HDGFL3: variants seen among roughly 807,000 people sequenced by gnomAD.
The protein encoded by HDGFL3 is HDGF like 3.
Under a neutral mutation model 27.6 loss-of-function variants are expected in HDGFL3, and 6 were observed. The observed-to-expected ratio is 0.22, with a 90% CI of 0.12 to 0.43. The LOEUF is 0.43. Among genes scored for constraint, HDGFL3 ranks in the 20% least tolerant of loss-of-function variants. The probability of loss-of-function intolerance (pLI) is 1.00; values close to 1 mark genes in which losing one functional copy is unlikely to be tolerated. For missense variants in HDGFL3, 207 were observed against 250.1 expected, an observed-to-expected ratio of 0.83 and a Z score of 1.16; for synonymous variants, 88 against 88.9, an observed-to-expected ratio of 0.99 and a Z score of 0.05.
downstream of HDGFL3, chr15:83,124,783 A>C (rs779066184): frequency 6.3e-7 from 1 of 1,592,222 alleles, no homozygotes; most frequent in Non-Finnish European, 8.6e-7. Flanking sequence ...TTTGGTAAGC[A>C]TAACAGATCA....
At position 83,167,267 on chromosome 15, in the gene HDGFL3, C is replaced by T. The variant is rs1003274732; in HGVS notation, c.85-3192G>A. Among the ~76,000 whole-genome samples, 4 of 152,124 alleles carry T rather than the reference C, an allele frequency of 2.6e-5. No individual in the cohort carries two copies. The South Asian group carries it at 8.3e-4, about 32-fold the overall frequency. On this transcript the variant is annotated intron_variant, in intron 1 of 5. Transcript: ENST00000299633. ...TACGTCAACAACAGTAAAAAAAGGACAAAGAAGGCTGAGCGTGGTGGCTCA... is the reference window on the plus strand; with the variant it reads ...TACGTCAACAACAGTAAAAAAAGGATAAAGAAGGCTGAGCGTGGTGGCTCA...
chr15:83,164,721 C>G (rs2037147949), intron 1 of HDGFL3, among the ~76,000 whole-genome samples: 3 of 152,196 alleles, frequency 2.0e-5, no homozygotes, highest in Admixed American at 1.3e-4. Context: ...CTTCCTTCCT[C>G]AGATCTACCA....
intron 1 of HDGFL3, among the ~76,000 whole-genome samples, chr15:83,201,677 G>A (rs1467811624): frequency 2.6e-5 from 4 of 152,084 alleles, no homozygotes; most frequent in Admixed American, 2.0e-4. Context: ...ACTGACTTCC[G>A]AGAATTAATA....
chr15:83,180,201 T>A (rs2037363426), intron 1 of HDGFL3, among the ~76,000 whole-genome samples: 2 of 152,034 alleles, frequency 1.3e-5, no homozygotes, highest in South Asian at 4.1e-4. Context: ...GAATCCATAA[T>A]CCCTGCTGTG....
intron 4 of HDGFL3, among the ~76,000 whole-genome samples, chr15:83,155,012 T>C (rs979775241): frequency 2.0e-5 from 3 of 152,018 alleles, no homozygotes; most frequent in African/African-American, 7.2e-5. Context: ...GGACTACAGG[T>C]GTGAGCAATC....
chr15:83,186,069 C>T (rs2037437742), intron 1 of HDGFL3: 1 of 152,210 alleles, frequency 6.6e-6, no homozygotes, highest in African/African-American at 2.4e-5. Context: ...TCAACAACTA[C>T]TTAAGTGAGC....
rs1316500606 is a variant in HDGFL3, at chr15:83,155,605, A to C, written c.459+1810T>G. ...GTCGTCATTTGCAAACTTTATCCCC[A>C]TCCAAGGCAATCACATGTTTTTCAT... On this transcript the variant is annotated intron_variant, in intron 4 of 5. Coordinates refer to ENST00000299633, the MANE Select transcript of HDGFL3 (RefSeq NM_016073.4). Among the ~76,000 whole-genome samples the C allele has an allele frequency of 2.0e-5, 3 of 152,350 alleles. No individual in the cohort carries two copies. The East Asian group carries it at 5.8e-4, about 29-fold the overall frequency.
intron 1 of HDGFL3, among the ~76,000 whole-genome samples, chr15:83,200,569 G>C (rs1001530124): frequency 8.5e-5 from 13 of 152,172 alleles, no homozygotes; most frequent in African/African-American, 3.1e-4. Flanking sequence ...TAATTATTTA[G>C]TAACTTAATT....
rs200709239 is a variant in HDGFL3 at position 83,207,303 on chromosome 15, C to T, written c.84+28G>A. On this transcript the variant is annotated intron_variant, in intron 1 of 5. Transcript: ENST00000299633. The surrounding 1 kb of genome is among the most constrained non-coding windows in gnomAD (Gnocchi z 4.8). ...CATGAAGGGGAAAATGGTGGGCGGG[C>T]GGGCCCGCGCGCGGCCGCGGTACTC... 1.8e-3 allele frequency: 2,366 copies of T among 1,319,434 alleles called. 32 individuals are homozygous for T. In the African/African-American group the frequency reaches 0.031, roughly 18 times the overall value. The allele number at this position is 1,319,434 out of a possible 1,614,324, so 81.7% of individuals were successfully genotyped here.
chr15:83,176,663 G>A (rs1415251248), intron 1 of HDGFL3, among the ~76,000 whole-genome samples: 3 of 152,116 alleles, frequency 2.0e-5, no homozygotes, highest in African/African-American at 7.2e-5. Flanking sequence ...AGACTTTGGG[G>A]AAGAATCAGT....
At position 83,133,225 on chromosome 15, in the gene HDGFL3, A is replaced by G. The variant is rs981356489; in HGVS notation, c.*6045T>C. On this transcript the variant is annotated 3_prime_UTR_variant, in exon 6 of 6. Coordinates refer to ENST00000299633, the MANE Select transcript of HDGFL3 (RefSeq NM_016073.4). ...GTTGCTCAGAAAACTCTAAGAAAAG[A>G]TAACACAGTTCTAGATTAGCTATTT... 4.6e-5 allele frequency: 7 copies of G among 152,262 alleles called. No individual in the cohort carries two copies. The highest frequency in any genetic ancestry group is 1.7e-4 in the African/African-American group (7 of 41,474). 9.4% of individuals were successfully genotyped at this position (152,262 alleles called of 1,614,324 possible). A position where few individuals can be genotyped will look rare whatever the true frequency, so the allele number is the denominator to read the frequency against.
intron 1 of HDGFL3, among the ~76,000 whole-genome samples, chr15:83,176,050 T>G (rs1213796972): frequency 6.6e-6 from 1 of 152,212 alleles, no homozygotes; most frequent in Non-Finnish European, 1.5e-5. Context: ...TGGCAAAGAA[T>G]CTGATACACT....
chr15:83,190,674 T>C (rs956810872), intron 1 of HDGFL3, among the ~76,000 whole-genome samples: 3 of 152,244 alleles, frequency 2.0e-5, no homozygotes, highest in African/African-American at 7.2e-5. Flanking sequence ...TAAAGCTTTA[T>C]TGGTTCTATG....
chr15:83,207,378 C>T lies in HDGFL3; in HGVS notation c.37G>A (p.Asp13Asn). 7.1e-7 allele frequency: 1 copy of T among 1,401,998 alleles called. No homozygotes were observed. The highest frequency in any genetic ancestry group is 9.3e-7 in the Non-Finnish European group (1 of 1,071,590). The allele number at this position is 1,401,998 out of a possible 1,614,324, so 86.8% of individuals were successfully genotyped here. The change falls in exon 1 of 6, where the codon GAC becomes AAC. Residue 13 changes from aspartate (D) to asparagine (N), a missense_variant. By Grantham distance (23) the Asp-to-Asn change is conservative. Coordinates refer to ENST00000299633, the MANE Select transcript of HDGFL3 (RefSeq NM_016073.4). This position sits in a 1 kb window ranked among gnomAD's most constrained non-coding sequence, Gnocchi z 4.8. ...RPRPREYKAG[D>N]LVFAKMKGYP... Reference sequence around the variant, plus strand: ...CCCTTCATCTTGGCGAAGACCAGGTCGCCCGCTTTGTACTCGCGGGGCCGC... The same window carrying T: ...CCCTTCATCTTGGCGAAGACCAGGTTGCCCGCTTTGTACTCGCGGGGCCGC...
At chr15:83,161,452 C>T (rs528241165) in intron 2 of HDGFL3, among the ~76,000 whole-genome samples, 1 of 152,312 alleles carries the variant, frequency 6.6e-6, no homozygotes, top group South Asian at 2.1e-4. Flanking sequence ...TGAACCACTG[C>T]ACTCAGCTGC....
intron 5 of HDGFL3, chr15:83,144,423 A>C (rs2036849954): frequency 2.2e-6 from 1 of 456,000 alleles, no homozygotes; most frequent in South Asian, 1.5e-5. Flanking sequence ...AATGAAGCAA[A>C]AGTGATGGGA....
At chr15:83,116,059 A>G (rs1416619627) in intron 3 of HDGFL3, 11 of 762,524 alleles carry the variant, frequency 1.4e-5, no homozygotes, top group Non-Finnish European at 2.2e-5. Flanking sequence ...GCAGGCTTTC[A>G]TTTCCTATAA....
intron 4 of HDGFL3, among the ~76,000 whole-genome samples, chr15:83,154,321 G>A (rs2151400652): frequency 6.7e-6 from 1 of 148,864 alleles, no homozygotes; most frequent in African/African-American, 2.5e-5. Flanking sequence ...GGGTGACAGA[G>A]CAAGACCCTG....
chr15:83,129,741 T>G lies in HDGFL3; in HGVS notation c.*9529A>C, dbSNP rs766805696. ...ACCTTGTGGGTGGAAGGCAGTGACA[T>G]TCCGAGTTGGACTCTGAGGGCCAAG... On this transcript the variant is annotated 3_prime_UTR_variant, in exon 6 of 6. Transcript: ENST00000299633. The G allele has an allele frequency of 6.6e-6, 1 of 152,472 alleles. No homozygotes were observed. Among genetic ancestry groups the G allele is most frequent in the East Asian group, 1.9e-4 (1 of 5,184 alleles). 9.4% of individuals were successfully genotyped at this position (152,472 alleles called of 1,614,324 possible). A position where few individuals can be genotyped will look rare whatever the true frequency, so the allele number is the denominator to read the frequency against.
Sources: allele counts gnomAD v4.1 joint callset (sites outside exome capture counted in the v4.1 genomes callset), GRCh38; gene constraint gnomAD v4.1.1; non-coding constraint Gnocchi (gnomAD v3.1); transcripts MANE v1.5; gene names NCBI Gene and HGNC (gene_info 2026-07-23, HGNC 2026-07-21).